Variants in ARHGAP31 observed in about 807,000 individuals in gnomAD.
The protein encoded by ARHGAP31 is Rho GTPase activating protein 31, also known as rho GTPase-activating protein 31.
A neutral mutation model predicts 113.9 loss-of-function variants in ARHGAP31; 34 were observed. That is an observed-to-expected ratio of 0.30 (90% CI 0.23 to 0.40). The LOEUF is 0.40. Ranked by LOEUF, ARHGAP31 falls within the 10% of genes least tolerant of loss-of-function variation. The probability of loss-of-function intolerance (pLI) is 1.00; values close to 1 mark genes in which losing one functional copy is unlikely to be tolerated. For missense variants in ARHGAP31, 1,548 were observed against 1,767.1 expected (o/e 0.88, Z 2.22); for synonymous variants, 650 against 684.8 (o/e 0.95, Z 0.79).
intron 6 of ARHGAP31, among the ~76,000 whole-genome samples, 198 bp downstream of exon 6, chr3:119,383,424 G>C (rs745484097): frequency 6.6e-6 from 1 of 152,200 alleles, no homozygotes; most frequent in African/African-American, 2.4e-5. Context: ...TGGTGTGTTT[G>C]CATGTGGCTT....
intron 1 of ARHGAP31, among the ~76,000 whole-genome samples, chr3:119,321,145 T>C (rs1676653409): frequency 6.6e-6 from 1 of 151,950 alleles, no homozygotes; most frequent in African/African-American, 2.4e-5. Context: ...CCATCCTCTT[T>C]AACTTCCATA....
At position 119,294,427 on chromosome 3, in the gene ARHGAP31, C is replaced by T. The variant is rs1347456845; in HGVS notation, c.-478C>T. The T allele has an allele frequency of 2.5e-6, 1 of 402,232 alleles. No homozygotes were observed. Among genetic ancestry groups the T allele is most frequent in the Non-Finnish European group, 4.4e-6 (1 of 229,078 alleles). The allele number at this position is 402,232 out of a possible 1,614,324, so 24.9% of individuals were successfully genotyped here. On this transcript the variant is annotated 5_prime_UTR_variant, in exon 1 of 12. Transcript: ENST00000264245. ...GCAGCGACAGGATGCTTGTTTTTCG[C>T]TCTACCAAAGTCGTCTGAAGGCGAG...
chr3:119,374,964 C>T (rs2080334664), intron 3 of ARHGAP31, among the ~76,000 whole-genome samples: 1 of 151,706 alleles, frequency 6.6e-6, no homozygotes, highest in Admixed American at 6.6e-5. Flanking sequence ...GAAATAAAGC[C>T]AGTGTTCATG....
chr3:119,335,842 C>G (rs953692391), intron 1 of ARHGAP31, among the ~76,000 whole-genome samples: 2 of 152,154 alleles, frequency 1.3e-5, no homozygotes, highest in Non-Finnish European at 2.9e-5. Flanking sequence ...AACAGCTGCC[C>G]GAGTGCACAG....
intron 1 of ARHGAP31, among the ~76,000 whole-genome samples, chr3:119,342,570 C>A (rs1177768194): frequency 6.6e-6 from 1 of 152,146 alleles, no homozygotes; most frequent in Non-Finnish European, 1.5e-5. Flanking sequence ...TATGTACCAC[C>A]AAAAACTGTA....
intron 3 of ARHGAP31, among the ~76,000 whole-genome samples, chr3:119,380,122 C>T (rs2080383341): frequency 6.6e-6 from 1 of 152,162 alleles, no homozygotes; most frequent in Non-Finnish European, 1.5e-5. Flanking sequence ...AACAAAATAC[C>T]CATACAGCAA....
At chr3:119,352,799 T>G (rs1279194074) in intron 1 of ARHGAP31, among the ~76,000 whole-genome samples, 1 of 152,176 alleles carries the variant, frequency 6.6e-6, no homozygotes, top group Non-Finnish European at 1.5e-5. Flanking sequence ...GAAAGATTTA[T>G]CTGGAAGTAG....
At chr3:119,374,490 G>T (rs1010393398) in intron 3 of ARHGAP31, among the ~76,000 whole-genome samples, 5 of 152,090 alleles carry the variant, frequency 3.3e-5, no homozygotes, top group Non-Finnish European at 7.4e-5. Flanking sequence ...ATTCAGTATG[G>T]TTTGGCTCTG....
chr3:119,377,463 C>T (rs1190348236), intron 3 of ARHGAP31, among the ~76,000 whole-genome samples: 1 of 152,060 alleles, frequency 6.6e-6, no homozygotes, highest in African/African-American at 2.4e-5. Flanking sequence ...AACAGGGTGC[C>T]AAGAAGAAAC....
intron 1 of ARHGAP31, among the ~76,000 whole-genome samples, chr3:119,352,175 T>C (rs1218876676): frequency 2.0e-5 from 3 of 152,224 alleles, no homozygotes. Flanking sequence ...ATGTACAAGA[T>C]GAATAGGGCC....
chr3:119,365,519 G>A, intron 2 of ARHGAP31, 101 bp downstream of exon 2: 1 of 1,040,902 alleles, frequency 9.6e-7, no homozygotes, highest in Non-Finnish European at 1.5e-6. Context: ...CAAAGGAACT[G>A]AGGGAAGTGT....
intron 1 of ARHGAP31, 42 bp downstream of exon 1, chr3:119,295,046 T>C: frequency 6.3e-7 from 1 of 1,580,790 alleles, no homozygotes; most frequent in Non-Finnish European, 8.7e-7. Context: ...CACCTTCTTT[T>C]TGTTTGAGGG....
intron 6 of ARHGAP31, among the ~76,000 whole-genome samples, chr3:119,386,649 C>T (rs370910999): frequency 7.8e-4 from 119 of 152,256 alleles, no homozygotes; most frequent in Middle Eastern, 3.4e-3. Flanking sequence ...CAGTTGGGCC[C>T]GGGGGACCAC....
At chr3:119,393,645 C>T (rs2080523336) in intron 8 of ARHGAP31, 54 bp downstream of exon 8, 8 of 1,602,296 alleles carry the variant, frequency 5.0e-6, no homozygotes, top group African/African-American at 2.7e-5. Flanking sequence ...CCTAACTCTG[C>T]TTATTAAGTC....
intron 1 of ARHGAP31, among the ~76,000 whole-genome samples, chr3:119,362,116 C>T (rs901886913): frequency 6.6e-6 from 1 of 152,190 alleles, no homozygotes; most frequent in South Asian, 2.1e-4. Flanking sequence ...TATCTGAGAA[C>T]GGGCTGGAAC....
chr3:119,294,792 G>T lies in ARHGAP31; in HGVS notation c.-113G>T. 2 of 1,007,440 alleles carry T rather than the reference G, an allele frequency of 2.0e-6. No homozygotes were observed. Among genetic ancestry groups the T allele is most frequent in the Non-Finnish European group, 3.1e-6 (2 of 641,088 alleles). The allele number at this position is 1,007,440 out of a possible 1,614,324, so 62.4% of individuals were successfully genotyped here. ...AGCCCAAGTTCTTCCATCTTCCGAT[G>T]CGGCCCCCCAGAGCCGCGGGGCAGC... On this transcript the variant is annotated 5_prime_UTR_variant, in exon 1 of 12. The change abolishes an upstream ATG in the 5' untranslated region. Coordinates refer to ENST00000264245, the MANE Select transcript of ARHGAP31 (RefSeq NM_020754.4).
intron 2 of ARHGAP31, among the ~76,000 whole-genome samples, chr3:119,367,471 C>T (rs921771162): frequency 6.6e-6 from 1 of 151,972 alleles, no homozygotes; most frequent in Non-Finnish European, 1.5e-5. Context: ...CCAAGACATC[C>T]CACTATAGAT....
Position 119,337,955 on chromosome 3 carries a change from A to G in ARHGAP31, c.101-27361A>G, listed in dbSNP as rs947752402. Among the ~76,000 whole-genome samples, 9 of 152,256 alleles carry G rather than the reference A, an allele frequency of 5.9e-5. No individual in the cohort carries two copies. In the East Asian group the frequency reaches 9.6e-4, roughly 16 times the overall value. On this transcript the variant is annotated intron_variant, in intron 1 of 11. Transcript: ENST00000264245. Reference sequence around the variant, plus strand: ...TATGAACATTTGGGTACAAGTTTGTATGCAGATATATGTTTTTATTCATTT... The same window carrying G: ...TATGAACATTTGGGTACAAGTTTGTGTGCAGATATATGTTTTTATTCATTT...
At chr3:119,380,456 C>T (rs9876197) in intron 3 of ARHGAP31, among the ~76,000 whole-genome samples, 2,355 of 152,090 alleles carry the variant, frequency 0.015, 55 homozygotes, top group African/African-American at 0.054. Flanking sequence ...TGCACTATGT[C>T]GCTAGACTAG....
Sources: gnomAD v4.1 joint callset for allele counts (sites outside exome capture counted in the v4.1 genomes callset) on GRCh38, gnomAD v4.1.1 for gene constraint, MANE v1.5 for transcripts, NCBI Gene and HGNC (gene_info 2026-07-23, HGNC 2026-07-21) for gene names.